The following ASTN2 variants were observed in gnomAD, a reference collection of about 807,000 sequenced individuals.
ASTN2 encodes astrotactin-2.
Under a neutral mutation model 139.8 loss-of-function variants are expected in ASTN2, and 54 were observed. The observed-to-expected ratio is 0.39, with a 90% confidence interval of 0.31 to 0.48. The LOEUF is 0.48. Ranked by LOEUF, ASTN2 falls within the 20% of genes least tolerant of loss-of-function variation. The pLI is 0.95. For missense variants in ASTN2, 1,565 were observed against 1,725.1 expected, an observed-to-expected ratio of 0.91 and a Z score of 1.64; for synonymous variants, 756 against 719.5, an observed-to-expected ratio of 1.05 and a Z score of -0.81.
chr9:116,632,162 G>GAGAGAGAC (rs1856789092), intron 17 of ASTN2, among the ~76,000 whole-genome samples: 3 of 35,548 alleles, frequency 8.4e-5, no homozygotes, highest in Admixed American at 3.4e-4. Flanking sequence ...GAGAGACAGA[G>GAGAGAGAC]AGAGAGAGAG....
intron 1 of ASTN2, among the ~76,000 whole-genome samples, chr9:117,332,441 C>G (rs764110435): frequency 6.6e-6 from 1 of 152,124 alleles, no homozygotes; most frequent in Non-Finnish European, 1.5e-5. Context: ...TATGGTGGCA[C>G]ACGTGTAGTC....
In ASTN2 at chr9:117,027,534, C is replaced by T. The variant is rs527325950; in HGVS notation, c.1423+12285G>A. ...GCTGTTCTCTTTACCTGGAAGATTG[C>T]CCTTCTTGTCCTCCCTCTCTCCCCC... On this transcript the variant is annotated intron_variant, in intron 6 of 22. Coordinates refer to ENST00000313400, the MANE Select transcript of ASTN2 (RefSeq NM_001365068.1). Among the ~76,000 whole-genome samples, 15 of 152,254 alleles carry T rather than the reference C, an allele frequency of 9.9e-5. No homozygotes were observed. The South Asian group carries it at 3.1e-3, about 32-fold the overall frequency.
At chr9:116,779,162 T>A (rs527428704) in intron 13 of ASTN2, among the ~76,000 whole-genome samples, 136 of 152,258 alleles carry the variant, frequency 8.9e-4, no homozygotes, top group African/African-American at 3.1e-3. Context: ...AAAACTCATG[T>A]GTTGCAAATT....
intron 1 of ASTN2, among the ~76,000 whole-genome samples, chr9:117,410,852 TGGAA>T (rs1301876123): frequency 2.0e-5 from 3 of 152,192 alleles, no homozygotes; most frequent in Admixed American, 1.3e-4. Context: ...AACTTTGAGC[TGGAA>T]GGGTCATTGG....
chr9:117,292,892 G>T (rs1834629983), intron 1 of ASTN2, among the ~76,000 whole-genome samples: 1 of 152,070 alleles, frequency 6.6e-6, no homozygotes, highest in Non-Finnish European at 1.5e-5. Context: ...CAATTCCACT[G>T]AACTATTCTT....
At chr9:116,678,502 G>T (rs1033155259) in intron 16 of ASTN2, among the ~76,000 whole-genome samples, 3 of 152,148 alleles carry the variant, frequency 2.0e-5, no homozygotes, top group Non-Finnish European at 4.4e-5. Flanking sequence ...ATTATAAGAA[G>T]GCATGGAGAT....
At chr9:116,882,300 T>C (rs1209893410) in intron 10 of ASTN2, among the ~76,000 whole-genome samples, 3 of 152,122 alleles carry the variant, frequency 2.0e-5, no homozygotes, top group Admixed American at 2.0e-4. Context: ...CCAGTTTGAG[T>C]TCAAGAGAGT....
At chr9:116,625,817 A>C (rs1856422981) in intron 17 of ASTN2, among the ~76,000 whole-genome samples, 2 of 151,684 alleles carry the variant, frequency 1.3e-5, no homozygotes, top group South Asian at 4.2e-4. Context: ...CTTCCTCCTT[A>C]CTGAACTCTA....
chr9:117,150,594 C>G (rs1031377232), intron 3 of ASTN2, among the ~76,000 whole-genome samples: 1 of 152,202 alleles, frequency 6.6e-6, no homozygotes, highest in African/African-American at 2.4e-5. Flanking sequence ...CTCAGAGTCT[C>G]AGCTCTCCTA....
At chr9:117,333,892 C>T (rs1828793530) in intron 1 of ASTN2, among the ~76,000 whole-genome samples, 1 of 152,140 alleles carries the variant, frequency 6.6e-6, no homozygotes, top group Admixed American at 6.5e-5. Flanking sequence ...AGCACTAGGC[C>T]AGGGCCTGTG....
At chr9:116,711,670 C>T (rs2132096568) in intron 16 of ASTN2, among the ~76,000 whole-genome samples, 1 of 152,244 alleles carries the variant, frequency 6.6e-6, no homozygotes, top group Admixed American at 6.5e-5. Flanking sequence ...TAAGGAACTC[C>T]AGCAGTCACT....
chr9:116,576,602 C>G (rs1306876756), intron 19 of ASTN2, among the ~76,000 whole-genome samples: 1 of 152,142 alleles, frequency 6.6e-6, no homozygotes, highest in African/African-American at 2.4e-5. Flanking sequence ...TGCTTCAGGA[C>G]AGGATTACAG....
intron 13 of ASTN2, among the ~76,000 whole-genome samples, chr9:116,734,676 C>T (rs1003002953): frequency 1.4e-4 from 22 of 152,202 alleles, no homozygotes; most frequent in South Asian, 2.1e-4. Context: ...ATCAGAAGCA[C>T]GAAAACAAAA....
intron 2 of ASTN2, among the ~76,000 whole-genome samples, chr9:117,219,176 G>A (rs1354152063): frequency 6.6e-6 from 1 of 152,188 alleles, no homozygotes; most frequent in Non-Finnish European, 1.5e-5. Flanking sequence ...AGAAGGAAGT[G>A]TAGACTGTGT....
chr9:116,645,996 T>C (rs1857571071), intron 17 of ASTN2, among the ~76,000 whole-genome samples: 1 of 152,256 alleles, frequency 6.6e-6, no homozygotes, highest in African/African-American at 2.4e-5. Flanking sequence ...TGTTAAGTGA[T>C]TTCTTCTTGG....
At chr9:117,101,796 T>C (rs1275665781) in intron 4 of ASTN2, among the ~76,000 whole-genome samples, 1 of 152,206 alleles carries the variant, frequency 6.6e-6, no homozygotes, top group Non-Finnish European at 1.5e-5. Context: ...CTTACTGTCA[T>C]TAGTCAATAG....
chr9:116,709,857 C>G (rs1828098334), intron 16 of ASTN2, among the ~76,000 whole-genome samples: 1 of 152,136 alleles, frequency 6.6e-6, no homozygotes, highest in Admixed American at 6.5e-5. Flanking sequence ...CCTCCCTTAC[C>G]AGCCTCAGGC....
intron 16 of ASTN2, among the ~76,000 whole-genome samples, chr9:116,714,285 A>C (rs1828250972): frequency 6.6e-6 from 1 of 152,190 alleles, no homozygotes; most frequent in Non-Finnish European, 1.5e-5. Flanking sequence ...CTGACAGATT[A>C]GCCAGGGAGA....
At chr9:117,374,782 C>G (rs1422586927) in intron 1 of ASTN2, among the ~76,000 whole-genome samples, 1 of 152,150 alleles carries the variant, frequency 6.6e-6, no homozygotes, top group Admixed American at 6.5e-5. Flanking sequence ...GGGCTAGTTT[C>G]TCACCAGGAG....
Sources: gnomAD v4.1 joint callset for allele counts (sites outside exome capture counted in the v4.1 genomes callset) on GRCh38, gnomAD v4.1.1 for gene constraint, MANE v1.5 for transcripts, NCBI Gene and HGNC (gene_info 2026-07-23, HGNC 2026-07-21) for gene names.